Variants in PVALB observed in about 807,000 individuals in gnomAD.
PVALB encodes parvalbumin alpha.
Under a neutral mutation model 10.9 loss-of-function variants are expected in PVALB, and 11 were observed. The observed-to-expected ratio is 1.01, with a 90% CI of 0.63 to 1.67. The LOEUF is 1.67. Ranked by LOEUF, PVALB falls within the 40% of genes most tolerant of loss-of-function variation. PVALB has a pLI of 0.00. For missense variants in PVALB, 131 were observed against 136.2 expected (o/e 0.96, Z 0.19); for synonymous variants, 57 against 50.7 (o/e 1.12, Z -0.53).
chr22:36,800,797 A>C lies in PVALB; in HGVS notation c.*93T>G. On this transcript the variant is annotated 3_prime_UTR_variant, in exon 4 of 4. Coordinates refer to ENST00000417718, the MANE Select transcript of PVALB (RefSeq NM_001315532.2). Reference sequence around the variant, plus strand: ...GATGGGGGAGTAAAAAATAACATAAACGAACTGAACAGAAATGCAGGAGGG... The same window carrying C: ...GATGGGGGAGTAAAAAATAACATAACCGAACTGAACAGAAATGCAGGAGGG... 7.1e-7 allele frequency: 1 copy of C among 1,406,258 alleles called. No homozygotes were observed. The highest frequency in any genetic ancestry group is 1.0e-6 in the Non-Finnish European group (1 of 990,998). 87.1% of individuals were successfully genotyped at this position (1,406,258 alleles called of 1,614,324 possible). A position where few individuals can be genotyped will look rare whatever the true frequency, so the allele number is the denominator to read the frequency against.
chr22:36,810,903 C>T (rs958913176), intron 3 of PVALB, among the ~76,000 whole-genome samples: 14 of 152,240 alleles, frequency 9.2e-5, no homozygotes, highest in African/African-American at 3.4e-4. Flanking sequence ...TGCCTGATGC[C>T]TGCGCCTCTG....
intron 2 of PVALB, among the ~76,000 whole-genome samples, chr22:36,814,093 G>C (rs893052468): frequency 6.6e-6 from 1 of 152,134 alleles, no homozygotes; most frequent in Non-Finnish European, 1.5e-5. Context: ...GGTGATCTTC[G>C]GAAGGCACTG....
chr22:36,813,844 T>G, intron 2 of PVALB, 89 bp from the exon 3 acceptor site: 1 of 996,896 alleles, frequency 1.0e-6, no homozygotes, highest in Non-Finnish European at 1.6e-6. Flanking sequence ...GGTTTCTGTA[T>G]GGGGAAAGGG....
chr22:36,816,979 A>G lies in PVALB; in HGVS notation c.27T>C (p.Ala9=). 6.2e-7 allele frequency: 1 copy of G among 1,609,820 alleles called. No individual in the cohort carries two copies. The highest frequency in any genetic ancestry group is 8.5e-7 in the Non-Finnish European group (1 of 1,178,774). Residue 9 remains alanine, a synonymous_variant, in exon 1 of 4, where the codon GCT becomes GCC. Coordinates refer to ENST00000417718, the MANE Select transcript of PVALB (RefSeq NM_001315532.2). The part of the protein sequence containing the change: MSMTDLLN[A]EDIKKAVGAF... ...CTCCCACCGCCTTCTTGATGTCCTC[A>G]GCGTTCAGCAAGTCTGTCATCGACA...
upstream of PVALB, chr22:36,817,046 T>G (rs748045841): frequency 1.3e-6 from 2 of 1,573,858 alleles, no homozygotes; most frequent in Admixed American, 1.7e-5. Flanking sequence ...GCGAAAAGAT[T>G]AAAAAGTGCT....
intron 3 of PVALB, among the ~76,000 whole-genome samples, chr22:36,812,621 C>T (rs1262227442): frequency 2.6e-5 from 4 of 151,036 alleles, no homozygotes; most frequent in East Asian, 3.9e-4. Flanking sequence ...TATCAAATTA[C>T]GCAAGGTCAC....
intron 3 of PVALB, chr22:36,811,461 T>G: frequency 2.1e-6 from 1 of 470,878 alleles, no homozygotes; most frequent in Non-Finnish European, 4.4e-6. Flanking sequence ...GAAATGGGCC[T>G]GAATTATTTT....
rs1294516746 is a variant in PVALB at position 36,815,228 on chromosome 22, G to A, written c.69C>T (p.Asp23=). ...GGAAGAACTTTTTGTGGTCGAAGGA[G>A]TCGGTAGCTGTGGGGGGAAGAGCAG... ...KKAVGAFSAT[D]SFDHKKFFQM... Residue 23 remains aspartate (D), a synonymous_variant, in exon 2 of 4, where the codon GAC becomes GAT. Transcript: ENST00000417718. 6.2e-7 allele frequency: 1 copy of A among 1,614,228 alleles called. No homozygotes were observed.
At chr22:36,810,248 C>T (rs4821533) in intron 3 of PVALB, among the ~76,000 whole-genome samples, 25,022 of 152,168 alleles carry the variant, frequency 0.16, 2,165 homozygotes, top group African/African-American at 0.19. Context: ...CCCCAGATCC[C>T]GCCAGGAGTT....
upstream of PVALB, among the ~76,000 whole-genome samples, chr22:36,818,152 C>T (rs907124022): frequency 3.9e-5 from 6 of 152,040 alleles, no homozygotes; most frequent in African/African-American, 1.4e-4. Context: ...GCACTAAGTC[C>T]CAGTGTGACC....
At chr22:36,816,015 G>T (rs1939132611) in intron 1 of PVALB, among the ~76,000 whole-genome samples, 1 of 151,418 alleles carries the variant, frequency 6.6e-6, no homozygotes, top group Admixed American at 6.6e-5. Context: ...TAGAACACCT[G>T]GGGAAGGGTA....
At chr22:36,817,145 G>A (rs1939155972), upstream of PVALB, 2 of 710,812 alleles carry the variant, frequency 2.8e-6, no homozygotes, top group South Asian at 2.3e-5. Context: ...CCAGGGGCCC[G>A]GACTCTGAGC....
chr22:36,802,097 C>T (rs1445263520), intron 3 of PVALB, among the ~76,000 whole-genome samples: 3 of 152,128 alleles, frequency 2.0e-5, no homozygotes, highest in Admixed American at 6.6e-5. Context: ...GTGTGGAATA[C>T]AAATGTAAAA....
chr22:36,810,412 C>T (rs1294472118), intron 3 of PVALB, among the ~76,000 whole-genome samples: 1 of 152,192 alleles, frequency 6.6e-6, no homozygotes, highest in Admixed American at 6.5e-5. Context: ...CCCACCCTTC[C>T]TGCGTTAGGG....
chr22:36,817,034 G>A lies in PVALB; in HGVS notation c.-29C>T, dbSNP rs1454476412. On this transcript the variant is annotated 5_prime_UTR_variant, in exon 1 of 4. Coordinates refer to ENST00000417718, the MANE Select transcript of PVALB (RefSeq NM_001315532.2). Reference sequence around the variant, plus strand: ...GCAACTGTTTGAGCGGGCAGAGCAAGTGCGAAAAGATTAAAAAGTGCTTTT... The same window carrying A: ...GCAACTGTTTGAGCGGGCAGAGCAAATGCGAAAAGATTAAAAAGTGCTTTT... The A allele has an allele frequency of 1.3e-6, 2 of 1,598,864 alleles. No homozygotes were observed. The highest frequency in any genetic ancestry group is 1.4e-5 in the African/African-American group (1 of 73,856).
intron 3 of PVALB, among the ~76,000 whole-genome samples, chr22:36,813,288 G>T (rs1355935168): frequency 6.6e-6 from 1 of 152,054 alleles, no homozygotes; most frequent in African/African-American, 2.4e-5. Context: ...CCCAGCGATC[G>T]AGAGACACTG....
At chr22:36,801,697 G>A (rs1938867850) in intron 3 of PVALB, among the ~76,000 whole-genome samples, 1 of 152,190 alleles carries the variant, frequency 6.6e-6, no homozygotes, top group African/African-American at 2.4e-5. Flanking sequence ...CTACTCCAAA[G>A]TCTGAGGCAG....
intron 2 of PVALB, 23 bp from the exon 3 acceptor site, chr22:36,813,778 C>G: frequency 7.6e-6 from 12 of 1,580,994 alleles, no homozygotes; most frequent in East Asian, 2.2e-5. Context: ...AGGGAGAAAG[C>G]CGGTGAGGGA....
intron 1 of PVALB, chr22:36,815,473 G>T: frequency 1.8e-6 from 1 of 544,386 alleles, no homozygotes; most frequent in Non-Finnish European, 3.3e-6. Flanking sequence ...TGGCTCTCAA[G>T]CCCGCCCCCA....
Sources: gnomAD v4.1 joint callset for allele counts (sites outside exome capture counted in the v4.1 genomes callset) on GRCh38, gnomAD v4.1.1 for gene constraint, MANE v1.5 for transcripts, NCBI Gene and HGNC (gene_info 2026-07-23, HGNC 2026-07-21) for gene names.